SLC35A3: variants seen among roughly 807,000 people sequenced by gnomAD.
SLC35A3 encodes the protein solute carrier family 35 member A3, also known as UDP-N-acetylglucosamine transporter.
SLC35A3 carries 26 observed loss-of-function variants against 39.0 expected under a neutral mutation model. The observed-to-expected ratio is 0.67, with a 90% CI of 0.49 to 0.92. The LOEUF (loss-of-function observed/expected upper bound fraction) is 0.92, where lower values mean the gene tolerates loss of function less well. Among genes scored for constraint, SLC35A3 ranks in the 40% least tolerant of loss-of-function variants. SLC35A3 has a pLI of 0.00. For missense variants in SLC35A3, 299 were observed against 371.6 expected (o/e 0.80, Z 1.61); for synonymous variants, 135 against 133.1 (o/e 1.01, Z -0.10).
At chr1:99,991,899 C>G (rs1225877651) in intron 1 of SLC35A3, among the ~76,000 whole-genome samples, 1 of 152,110 alleles carries the variant, frequency 6.6e-6, no homozygotes, top group Non-Finnish European at 1.5e-5. Flanking sequence ...CAGGTGCGTG[C>G]CACCACACCC....
chr1:99,975,040 C>G (rs904272953), intron 1 of SLC35A3: 3 of 151,978 alleles, frequency 2.0e-5, no homozygotes, highest in African/African-American at 7.2e-5. Context: ...ACCTCCCTGG[C>G]TCAAGTGATC....
At chr1:100,015,462 A>T in intron 6 of SLC35A3, 42 bp downstream of exon 6, 1 of 1,562,036 alleles carries the variant, frequency 6.4e-7, no homozygotes, top group Non-Finnish European at 8.6e-7. Flanking sequence ...AATAAACTGT[A>T]TTTTAATATA....
chr1:99,997,410 T>TTATATATATATATATATATATA (rs71970416), intron 2 of SLC35A3, among the ~76,000 whole-genome samples: 3 of 92,098 alleles, frequency 3.3e-5, no homozygotes, highest in Admixed American at 1.2e-4. Context: ...ATATATAGTT[T>TTATATATATATATATATATATA]TATATATATA....
chr1:100,007,471 T>C (rs1230689933), intron 4 of SLC35A3: 4 of 178,488 alleles, frequency 2.2e-5, no homozygotes, highest in Admixed American at 6.4e-5. Context: ...AGCCACTCCC[T>C]TTTTATTTTC....
chr1:100,013,278 T>C (rs1163725434), intron 5 of SLC35A3, among the ~76,000 whole-genome samples: 1 of 151,090 alleles, frequency 6.6e-6, no homozygotes, highest in Non-Finnish European at 1.5e-5. Context: ...CCAGGAGTTT[T>C]GAGACCTGAG....
chr1:100,016,665 G>T (rs906730402), intron 6 of SLC35A3, among the ~76,000 whole-genome samples: 6 of 152,130 alleles, frequency 3.9e-5, no homozygotes, highest in Non-Finnish European at 8.8e-5. Context: ...GAGCCACCTC[G>T]CCTGGCCCGG....
chr1:100,020,697 T>C (rs1277568207), intron 7 of SLC35A3, among the ~76,000 whole-genome samples: 1 of 152,158 alleles, frequency 6.6e-6, no homozygotes, highest in Non-Finnish European at 1.5e-5. Context: ...TTGTAAATAA[T>C]GCATCATTTA....
At chr1:100,001,423 C>T (rs1375443956) in intron 3 of SLC35A3, among the ~76,000 whole-genome samples, 3 of 151,954 alleles carry the variant, frequency 2.0e-5, no homozygotes, top group Non-Finnish European at 4.4e-5. Flanking sequence ...CTTTTACTTC[C>T]TTGGTTAAAT....
intron 1 of SLC35A3, among the ~76,000 whole-genome samples, chr1:99,983,366 C>T (rs1337347041): frequency 2.0e-5 from 3 of 151,722 alleles, no homozygotes; most frequent in Admixed American, 6.6e-5. Flanking sequence ...GGTGAAACCC[C>T]GTCTCTACTA....
At position 100,030,711 on chromosome 1, in the gene SLC35A3, A is replaced by C. The variant is rs912323187; in HGVS notation, c.*8235A>C. ...GTCTTTTAAAAGATACTGCATGTAC[A>C]AACATGATTTCTAATAATTGAGGGT... On this transcript the variant is annotated 3_prime_UTR_variant, in exon 8 of 8. Coordinates refer to ENST00000533028, the MANE Select transcript of SLC35A3 (RefSeq NM_012243.3). 6.6e-6 allele frequency: 1 copy of C among 152,238 alleles called. No homozygotes were observed. The highest frequency in any genetic ancestry group is 2.4e-5 in the African/African-American group (1 of 41,454). 9.4% of individuals were successfully genotyped at this position (152,238 alleles called of 1,614,324 possible).
chr1:99,983,312 G>A (rs1174672257), intron 1 of SLC35A3, among the ~76,000 whole-genome samples: 4 of 151,898 alleles, frequency 2.6e-5, no homozygotes, highest in African/African-American at 9.7e-5. Context: ...AGGCCCAGGC[G>A]GGCGGATCAC....
chr1:100,012,371 G>A (rs1659727498), intron 5 of SLC35A3, among the ~76,000 whole-genome samples: 1 of 152,080 alleles, frequency 6.6e-6, no homozygotes, highest in Non-Finnish European at 1.5e-5. Flanking sequence ...AAAAATGGAA[G>A]ACAAATCAGA....
In SLC35A3 at chr1:100,026,301, T is replaced by TA. The variant is rs1660907932; in HGVS notation, c.*3831dup. ...AATTATCATGGGTGTATGCTTTACA[T>TA]AAAAAAGGTTTATAAAAGTTATTTA... On this transcript the variant is annotated 3_prime_UTR_variant, in exon 8 of 8. Transcript: ENST00000533028. 1 of 152,154 alleles carries TA rather than the reference T, an allele frequency of 6.6e-6. No individual in the cohort carries two copies. Among genetic ancestry groups the TA allele is most frequent in the African/African-American group, 2.4e-5 (1 of 41,462 alleles). The allele number at this position is 152,154 out of a possible 1,614,324, so 9.4% of individuals were successfully genotyped here. A position where few individuals can be genotyped will look rare whatever the true frequency, so the allele number is the denominator to read the frequency against.
chr1:99,993,831 G>A lies in SLC35A3; in HGVS notation c.187+90G>A, dbSNP rs1417173098. 3.5e-6 allele frequency: 4 copies of A among 1,127,342 alleles called. No homozygotes were observed. The African/African-American group carries it at 4.7e-5, about 13-fold the overall frequency. The allele number at this position is 1,127,342 out of a possible 1,614,324, so 69.8% of individuals were successfully genotyped here. ...AACTACACATTTGCACTCTTGCATTGTCGAATGGCCTAGTATGAAGAATAT... is the reference window on the plus strand; with the variant it reads ...AACTACACATTTGCACTCTTGCATTATCGAATGGCCTAGTATGAAGAATAT... On this transcript the variant is annotated intron_variant, in intron 2 of 7. Coordinates refer to ENST00000533028, the MANE Select transcript of SLC35A3 (RefSeq NM_012243.3).
chr1:100,015,151 C>G lies in SLC35A3; in HGVS notation c.635-151C>G, dbSNP rs531623455. On this transcript the variant is annotated intron_variant, in intron 5 of 7. Transcript: ENST00000533028. ...GCAGCCTGGGCAACAGAGCAAGACT[C>G]CGTCTCAAAAAAAAAAAAAAAAAAA... 1.3e-3 allele frequency: 954 copies of G among 729,702 alleles called. 2 individuals carry two copies. The highest frequency in any genetic ancestry group is 1.7e-3 in the Non-Finnish European group (892 of 520,290). The allele number at this position is 729,702 out of a possible 1,614,324, so 45.2% of individuals were successfully genotyped here.
chr1:99,975,966 A>G (rs1657083360), intron 1 of SLC35A3, among the ~76,000 whole-genome samples: 1 of 152,158 alleles, frequency 6.6e-6, no homozygotes, highest in Non-Finnish European at 1.5e-5. Flanking sequence ...AGGCTGAGGC[A>G]GAAGGATTGC....
intron 1 of SLC35A3, among the ~76,000 whole-genome samples, chr1:99,978,504 G>A (rs920232653): frequency 6.6e-6 from 1 of 152,080 alleles, no homozygotes. Flanking sequence ...CCAGCCTGGG[G>A]AACAGAGTGA....
Position 100,024,750 on chromosome 1 carries a change from T to G in SLC35A3, c.*2274T>G. 2 of 396,360 alleles carry G rather than the reference T, an allele frequency of 5.0e-6. No homozygotes were observed. Among genetic ancestry groups the G allele is most frequent in the South Asian group, 2.8e-4 (2 of 7,142 alleles). 24.6% of individuals were successfully genotyped at this position (396,360 alleles called of 1,614,324 possible). A position where few individuals can be genotyped will look rare whatever the true frequency, so the allele number is the denominator to read the frequency against. On this transcript the variant is annotated 3_prime_UTR_variant, in exon 8 of 8. Coordinates refer to ENST00000533028, the MANE Select transcript of SLC35A3 (RefSeq NM_012243.3). ...TCTCCTGCCTCAGCCTCTGAGTAGC[T>G]GGGATTGCAGGCGTGAGCCACTGCG...
chr1:100,021,422 A>C (rs913103328), intron 7 of SLC35A3, among the ~76,000 whole-genome samples: 4 of 152,110 alleles, frequency 2.6e-5, no homozygotes, highest in Non-Finnish European at 5.9e-5. Context: ...CATGCCTGTA[A>C]TCACAGCACA....
Sources: gnomAD v4.1 joint callset for allele counts (sites outside exome capture counted in the v4.1 genomes callset) on GRCh38, gnomAD v4.1.1 for gene constraint, MANE v1.5 for transcripts, NCBI Gene and HGNC (gene_info 2026-07-23, HGNC 2026-07-21) for gene names.